FAM210A: variants seen among roughly 807,000 people sequenced by gnomAD.
The protein encoded by FAM210A is family with sequence similarity 210 member A.
A neutral mutation model predicts 25.3 loss-of-function variants in FAM210A; 13 were observed. The observed-to-expected ratio is 0.51, with a 90% confidence interval of 0.33 to 0.82. The LOEUF is 0.82. FAM210A is among the 40% of genes least tolerant of loss of function. The pLI, the probability that FAM210A is intolerant of heterozygous loss-of-function variation, is 0.02. For missense variants in FAM210A, 319 were observed against 323.2 expected, an observed-to-expected ratio of 0.99 and a Z score of 0.10; for synonymous variants, 125 against 118.7, an observed-to-expected ratio of 1.05 and a Z score of -0.35.
chr18:13,700,580 A>C (rs1363609055), intron 1 of FAM210A, among the ~76,000 whole-genome samples: 1 of 152,034 alleles, frequency 6.6e-6, no homozygotes, highest in Non-Finnish European at 1.5e-5. Flanking sequence ...TTTACCTCTC[A>C]CTTCTCGATT....
chr18:13,706,741 T>C (rs1227520017), intron 1 of FAM210A, among the ~76,000 whole-genome samples: 1 of 152,178 alleles, frequency 6.6e-6, no homozygotes, highest in Admixed American at 6.5e-5. Flanking sequence ...CTTGTGAAGG[T>C]TATGCTAAAA....
chr18:13,695,369 T>C (rs2043683441), intron 1 of FAM210A, among the ~76,000 whole-genome samples: 1 of 152,190 alleles, frequency 6.6e-6, no homozygotes, highest in African/African-American at 2.4e-5. Context: ...ACTGGGCATA[T>C]ACCCAAAGGA....
chr18:13,679,378 A>T (rs1448009001), intron 2 of FAM210A, among the ~76,000 whole-genome samples: 1 of 152,250 alleles, frequency 6.6e-6, no homozygotes, highest in East Asian at 1.9e-4. Flanking sequence ...GACAATCTGT[A>T]TTTAGTATAA....
chr18:13,694,586 T>G (rs905592677), intron 1 of FAM210A, among the ~76,000 whole-genome samples: 1 of 152,208 alleles, frequency 6.6e-6, no homozygotes, highest in Non-Finnish European at 1.5e-5. Context: ...ACCTGATCTT[T>G]GACAAACCTG....
At chr18:13,691,205 A>C (rs79523008) in intron 1 of FAM210A, among the ~76,000 whole-genome samples, 4 of 152,228 alleles carry the variant, frequency 2.6e-5, no homozygotes, top group Non-Finnish European at 2.9e-5. Flanking sequence ...AAGTTTAGAG[A>C]AAAAAGAATA....
intron 1 of FAM210A, among the ~76,000 whole-genome samples, chr18:13,708,826 C>T (rs573299082): frequency 6.8e-5 from 10 of 148,036 alleles, no homozygotes; most frequent in African/African-American, 2.2e-4. Context: ...TGACCCTGTC[C>T]TTTTCCTAGT....
At chr18:13,674,109 C>A (rs1219071912) in intron 2 of FAM210A, among the ~76,000 whole-genome samples, 2 of 142,546 alleles carry the variant, frequency 1.4e-5, no homozygotes, top group African/African-American at 5.0e-5. Context: ...TTTCCAGTTT[C>A]CTGATTATTA....
chr18:13,692,621 C>A (rs934944200), intron 1 of FAM210A, among the ~76,000 whole-genome samples: 9 of 151,438 alleles, frequency 5.9e-5, no homozygotes, highest in Admixed American at 5.9e-4. Context: ...TGCTCAACTA[C>A]ACGGACAACT....
At chr18:13,687,604 G>A (rs990687019) in intron 1 of FAM210A, 3 of 152,184 alleles carry the variant, frequency 2.0e-5, no homozygotes, top group African/African-American at 7.2e-5. Flanking sequence ...CACACTGCTC[G>A]TGCTCACTTC....
At position 13,682,107 on chromosome 18, in the gene FAM210A, T is replaced by C. The variant is rs1330223601; in HGVS notation, c.-28-2A>G. ...AAGAGTGTTGATAGGTTTCAGCTTC[T>C]ACAAAGACAATTTTTCAAAAAAATT... On this transcript the variant is annotated splice_acceptor_variant, in intron 1 of 3. Coordinates refer to ENST00000651643, the MANE Select transcript of FAM210A (RefSeq NM_152352.4). LOFTEE classifies it low-confidence loss of function (5UTR_SPLICE). 2.6e-6 allele frequency: 4 copies of C among 1,518,324 alleles called. No homozygotes were observed. In the Admixed American group the frequency reaches 6.9e-5, roughly 26 times the overall value. 94.1% of individuals were successfully genotyped at this position (1,518,324 alleles called of 1,614,324 possible).
intron 1 of FAM210A, among the ~76,000 whole-genome samples, chr18:13,699,189 T>C (rs1313861997): frequency 6.6e-6 from 1 of 152,196 alleles, no homozygotes; most frequent in African/African-American, 2.4e-5. Flanking sequence ...GGTGTGAAAG[T>C]CTGTTGACAG....
intron 1 of FAM210A, among the ~76,000 whole-genome samples, chr18:13,721,525 G>C (rs935893799): frequency 6.6e-6 from 1 of 152,108 alleles, no homozygotes; most frequent in Non-Finnish European, 1.5e-5. Flanking sequence ...CCTGGAATGC[G>C]GTATTGCTTT....
chr18:13,681,416 A>G (rs1198761540), intron 2 of FAM210A, among the ~76,000 whole-genome samples, 189 bp downstream of exon 2: 1 of 152,200 alleles, frequency 6.6e-6, no homozygotes, highest in African/African-American at 2.4e-5. Flanking sequence ...ACAGTTAAAA[A>G]CTGCACCAGA....
chr18:13,717,105 TG>T (rs1178527574), intron 1 of FAM210A, among the ~76,000 whole-genome samples: 3 of 152,228 alleles, frequency 2.0e-5, no homozygotes, highest in Admixed American at 2.0e-4. Flanking sequence ...GAAGCAAGGC[TG>T]GGGTGGATAG....
At chr18:13,725,725 C>G (rs1468868006) in intron 1 of FAM210A, among the ~76,000 whole-genome samples, 2 of 152,152 alleles carry the variant, frequency 1.3e-5, no homozygotes, top group African/African-American at 2.4e-5. Flanking sequence ...AGTTTCAGTA[C>G]AGTAGGCGCT....
chr18:13,681,403 G>A (rs2043552293), intron 2 of FAM210A, among the ~76,000 whole-genome samples: 2 of 152,166 alleles, frequency 1.3e-5, no homozygotes, highest in Non-Finnish European at 2.9e-5. Context: ...TAAATAAGAT[G>A]AAACAGTTAA....
chr18:13,718,700 C>T (rs1022048106), intron 1 of FAM210A, among the ~76,000 whole-genome samples: 1 of 152,040 alleles, frequency 6.6e-6, no homozygotes, highest in Non-Finnish European at 1.5e-5. Flanking sequence ...TTTATTGTTA[C>T]TAGTTAACTA....
chr18:13,722,803 C>T (rs2043907363), intron 1 of FAM210A, among the ~76,000 whole-genome samples: 1 of 151,814 alleles, frequency 6.6e-6, no homozygotes, highest in Non-Finnish European at 1.5e-5. Flanking sequence ...TTATGTGGAG[C>T]TTCAATCGGG....
chr18:13,669,842 T>G (rs1316980839), intron 3 of FAM210A, among the ~76,000 whole-genome samples: 1 of 151,968 alleles, frequency 6.6e-6, no homozygotes, highest in Non-Finnish European at 1.5e-5. Context: ...ATATATCCCG[T>G]AGCCAACTGC....
Sources: allele counts gnomAD v4.1 joint callset (sites outside exome capture counted in the v4.1 genomes callset), GRCh38; gene constraint gnomAD v4.1.1; transcripts MANE v1.5; gene names NCBI Gene and HGNC (gene_info 2026-07-23, HGNC 2026-07-21).